DENND4B: variants seen among roughly 807,000 people sequenced by gnomAD.
DENND4B encodes DENN domain containing 4B, also known as DENN domain-containing protein 4B.
Under a neutral mutation model 161.0 loss-of-function variants are expected in DENND4B, and 67 were observed. The observed-to-expected ratio is 0.42, with a 90% CI of 0.34 to 0.51. DENND4B has a LOEUF of 0.51. Ranked by LOEUF, DENND4B falls within the 20% of genes least tolerant of loss-of-function variation. The probability of loss-of-function intolerance (pLI) is 0.08; values close to 1 mark genes in which losing one functional copy is unlikely to be tolerated. For synonymous variants in DENND4B, 753 were observed against 813.8 expected (o/e 0.93, Z 1.27); for missense variants, 1,481 against 1,968.0 (o/e 0.75, Z 4.68).
chr1:153,930,398 T>C lies in DENND4B; in HGVS notation c.4390A>G (p.Ser1464Gly). Reference protein sequence around the residue: ...KYKSAFNKLASSMGKEELRHR... With the variant: ...KYKSAFNKLAGSMGKEELRHR... ...CTCAGCTCCTCCTTGCCCATGCTGC[T>C]GGCCAGCTTGTTAAAGGCAGACTTG... The change falls in exon 28 of 28, where the codon AGC (serine) becomes GGC (glycine). Residue 1464 changes from serine (S) to glycine (G), a missense_variant. Transcript: ENST00000361217. This position sits in a 1 kb window ranked among gnomAD's most constrained non-coding sequence, Gnocchi z 4.7. 6.2e-7 allele frequency: 1 copy of C among 1,614,030 alleles called. No homozygotes were observed. Among genetic ancestry groups the C allele is most frequent in the Non-Finnish European group, 8.5e-7 (1 of 1,179,878 alleles).
chr1:153,945,154 C>G (rs931401908), intron 1 of DENND4B: 17 of 1,289,420 alleles, frequency 1.3e-5, no homozygotes, highest in African/African-American at 1.5e-5. Context: ...TGGCCCAACC[C>G]CGGGGAGTAG....
In DENND4B at chr1:153,932,451, C is replaced by T; in HGVS notation, c.3760-11G>A. ...CCGCCGGGAGGCTCCCTATCAGGCA[C>T]AAAGGGGGAGGGCAGTAGAGGGCAT... On this transcript the variant is annotated splice_polypyrimidine_tract_variant and intron_variant, in intron 23 of 27. Transcript: ENST00000361217. The surrounding 1 kb of genome is among the most constrained non-coding windows in gnomAD (Gnocchi z 5.8). 1 of 1,598,204 alleles carries T rather than the reference C, an allele frequency of 6.3e-7. No homozygotes were observed. Among genetic ancestry groups the T allele is most frequent in the South Asian group, 1.1e-5 (1 of 88,982 alleles).
rs1375822750 is a variant in DENND4B at position 153,932,104 on chromosome 1, G to T, written c.3996+100C>A. ...TTACAGGCATGAGCCACCGTGCCTG[G>T]CCAGTCTATGCTCTTTCTACAGTGC... On this transcript the variant is annotated intron_variant, in intron 24 of 27. Transcript: ENST00000361217. This position sits in a 1 kb window ranked among gnomAD's most constrained non-coding sequence, Gnocchi z 5.8. 1.9e-5 allele frequency: 22 copies of T among 1,165,072 alleles called. No homozygotes were observed. Among genetic ancestry groups the T allele is most frequent in the Middle Eastern group, 2.0e-4 (1 of 4,994 alleles). The allele number at this position is 1,165,072 out of a possible 1,614,324, so 72.2% of individuals were successfully genotyped here. A position where few individuals can be genotyped will look rare whatever the true frequency, so the allele number is the denominator to read the frequency against.
chr1:153,942,183 C>A lies in DENND4B; in HGVS notation c.810+4G>T. 6 of 1,614,002 alleles carry A rather than the reference C, an allele frequency of 3.7e-6. No individual in the cohort carries two copies. The highest frequency in any genetic ancestry group is 5.1e-6 in the Non-Finnish European group (6 of 1,179,888). On this transcript the variant is annotated splice_donor_region_variant and intron_variant, in intron 5 of 27. Coordinates refer to ENST00000361217, the MANE Select transcript of DENND4B (RefSeq NM_014856.3). The surrounding 1 kb of genome is among the most constrained non-coding windows in gnomAD (Gnocchi z 6.9). Reference sequence around the variant, plus strand: ...GGACCCCTTGCCACACTCCACACACCCACCTTATCACCAGCTGCACCCGTG... The same window carrying A: ...GGACCCCTTGCCACACTCCACACACACACCTTATCACCAGCTGCACCCGTG...
chr1:153,943,067 G>A lies in DENND4B; in HGVS notation c.381C>T (p.Tyr127=), dbSNP rs762270520. 1.7e-5 allele frequency: 27 copies of A among 1,613,912 alleles called. No homozygotes were observed. Among genetic ancestry groups the A allele is most frequent in the Non-Finnish European group, 2.3e-5 (27 of 1,179,900 alleles). The part of the protein sequence containing the change: ...PGFQVLDTTP[Y]SHSANLAPPG... ...GAGGGGCCAGGTTTGCTGAGTGGCTGTAGGGTGTCGTGTCAAGCACTTGGA... is the reference window on the plus strand; with the variant it reads ...GAGGGGCCAGGTTTGCTGAGTGGCTATAGGGTGTCGTGTCAAGCACTTGGA... The change falls in exon 3 of 28, where the codon TAC becomes TAT. Residue 127 remains tyrosine, a synonymous_variant. Transcript: ENST00000361217.
At chr1:153,943,235 A>C in intron 2 of DENND4B, 105 bp from the exon 3 acceptor site, 1 of 1,474,040 alleles carries the variant, frequency 6.8e-7, no homozygotes, top group Non-Finnish European at 9.2e-7. Context: ...CCTTGTACCC[A>C]CAGCCTTGTC....
rs755914043 is a variant in DENND4B, at chr1:153,930,634, A to G, written c.4281-31T>C. ...GTGGAGGCAGAAGTGTATGAGTGAG[A>G]GAAAAGGGGTGTGGAGCCCCGGACA... On this transcript the variant is annotated intron_variant, in intron 26 of 27. Coordinates refer to ENST00000361217, the MANE Select transcript of DENND4B (RefSeq NM_014856.3). The surrounding 1 kb of genome is among the most constrained non-coding windows in gnomAD (Gnocchi z 4.7). 6.2e-7 allele frequency: 1 copy of G among 1,613,864 alleles called. No homozygotes were observed. Among genetic ancestry groups the G allele is most frequent in the Non-Finnish European group, 8.5e-7 (1 of 1,179,820 alleles).
intron 12 of DENND4B, 130 bp downstream of exon 12, chr1:153,939,459 T>C: frequency 9.4e-7 from 1 of 1,063,420 alleles, no homozygotes. Flanking sequence ...CGGGTGCCCA[T>C]AAAAACATTT....
rs1678875313 is a variant in DENND4B at position 153,930,895 on chromosome 1, C to A, written c.4115-38G>T. Reference sequence around the variant, plus strand: ...AAAGAAGGCCACCAGAATCACTGAGCCCTCTGGGTATGGGACCCACCCTCC... The same window carrying A: ...AAAGAAGGCCACCAGAATCACTGAGACCTCTGGGTATGGGACCCACCCTCC... On this transcript the variant is annotated intron_variant, in intron 25 of 27. Transcript: ENST00000361217. This position sits in a 1 kb window ranked among gnomAD's most constrained non-coding sequence, Gnocchi z 4.7. 1.3e-6 allele frequency: 2 copies of A among 1,595,510 alleles called. No individual in the cohort carries two copies. Among genetic ancestry groups the A allele is most frequent in the Non-Finnish European group, 1.7e-6 (2 of 1,171,770 alleles).
At chr1:153,945,081 C>G in intron 1 of DENND4B, 2 of 1,287,170 alleles carry the variant, frequency 1.6e-6, no homozygotes, top group Admixed American at 2.3e-5. Flanking sequence ...CATCCCACAC[C>G]CTCCACCATG....
rs763700729 is a variant in DENND4B, at chr1:153,934,803, CTGCTGCTGCTGCTGCTGCTGCTGCTGT to C, written c.2703_2729del (p.Gln902_Gln910del). ...CCTCTTGATGTGCTGACACCTGCTC[CTGCTGCTGCTGCTGCTGCTGCTGCTGT>C]TGCTGCTGCTGCTGCTGTTGCCGTT... is the stretch of plus-strand genomic sequence containing the variant. On this transcript the variant is annotated inframe_deletion, in exon 18 of 28. Transcript: ENST00000361217. This position sits in a 1 kb window ranked among gnomAD's most constrained non-coding sequence, Gnocchi z 5.3. The C allele has an allele frequency of 3.4e-3, 2,260 of 655,852 alleles. 2 individuals carry two copies. Among genetic ancestry groups the C allele is most frequent in the Non-Finnish European group, 4.3e-3 (2,107 of 491,736 alleles). 40.6% of individuals were successfully genotyped at this position (655,852 alleles called of 1,614,324 possible). A position where few individuals can be genotyped will look rare whatever the true frequency, so the allele number is the denominator to read the frequency against.
Position 153,942,526 on chromosome 1 carries a change from C to T in DENND4B, c.640+30G>A, listed in dbSNP as rs1277176071. ...ACCAGGGCAAAGGGATGTAGGGTCACAGGATTGGAGGGATAAAGGGGCCAC... is the reference window on the plus strand; with the variant it reads ...ACCAGGGCAAAGGGATGTAGGGTCATAGGATTGGAGGGATAAAGGGGCCAC... On this transcript the variant is annotated intron_variant, in intron 4 of 27. Transcript: ENST00000361217. The surrounding 1 kb of genome is among the most constrained non-coding windows in gnomAD (Gnocchi z 6.9). 5.0e-6 allele frequency: 8 copies of T among 1,585,290 alleles called. No homozygotes were observed. The highest frequency in any genetic ancestry group is 6.9e-6 in the Non-Finnish European group (8 of 1,165,490).
Position 153,938,970 on chromosome 1 carries a change from A to C in DENND4B, c.1895T>G (p.Phe632Cys). ...AGAGCCAAAAGAGCACTCCTCAATG[A>C]ACTGTGAGAACATCTGTGTGTGCAG... is the stretch of plus-strand genomic sequence containing the variant. Reference protein sequence around the residue: ...QLLHTQMFSQFIEECSFGSAR... With the variant: ...QLLHTQMFSQCIEECSFGSAR... The change falls in exon 13 of 28, where the codon TTC (phenylalanine) becomes TGC (cysteine). Residue 632 changes from phenylalanine to cysteine, a missense_variant. Phe to Cys is a radical substitution (Grantham distance 205). Coordinates refer to ENST00000361217, the MANE Select transcript of DENND4B (RefSeq NM_014856.3). The C allele has an allele frequency of 6.2e-7, 1 of 1,611,222 alleles. No individual in the cohort carries two copies. Among genetic ancestry groups the C allele is most frequent in the East Asian group, 2.2e-5 (1 of 44,868 alleles).
rs751851766 is a variant in DENND4B at position 153,939,694 on chromosome 1, G to A, written c.1714C>T (p.Arg572Cys). The change falls in exon 12 of 28, where the codon CGC becomes TGC. Residue 572 changes from arginine (R) to cysteine (C), a missense_variant. This residue lies in a region of DENND4B where 806 missense variants were observed against 1,134.4 expected (regional missense o/e 0.71). Coordinates refer to ENST00000361217, the MANE Select transcript of DENND4B (RefSeq NM_014856.3). ...CCCTTGAGCAGACAGGCCATGAAGC[G>A]GAGGAAGGCTCCTTGGACTTCGCGC... ...LEREVQGAFL[R>C]FMACLLKGYR... The A allele has an allele frequency of 6.2e-7, 1 of 1,613,964 alleles. No homozygotes were observed. The highest frequency in any genetic ancestry group is 8.5e-7 in the Non-Finnish European group (1 of 1,179,896).
chr1:153,941,122 C>A, intron 8 of DENND4B, 74 bp from the exon 9 acceptor site: 1 of 1,565,494 alleles, frequency 6.4e-7, no homozygotes. Context: ...CCAGGCACAG[C>A]CACCACCTGG....
In DENND4B at chr1:153,932,308, G is replaced by C; in HGVS notation, c.3892C>G (p.Pro1298Ala). The change falls in exon 24 of 28, where the codon CCC (proline) becomes GCC (alanine). Residue 1298 changes from proline to alanine, a missense_variant. Coordinates refer to ENST00000361217, the MANE Select transcript of DENND4B (RefSeq NM_014856.3). This position sits in a 1 kb window ranked among gnomAD's most constrained non-coding sequence, Gnocchi z 5.8. ...LALPELPSAHPIIFWNLLWYF... is the reference protein window; with the variant it reads ...LALPELPSAHAIIFWNLLWYF... ...CACAAAAGGTTCCAGAAGATGATGG[G>C]GTGGGCAGAGGGCAGTTCAGGCAAC... The C allele has an allele frequency of 6.2e-7, 1 of 1,613,984 alleles. No homozygotes were observed. Among genetic ancestry groups the C allele is most frequent in the Non-Finnish European group, 8.5e-7 (1 of 1,179,884 alleles).
chr1:153,943,197 G>C, intron 2 of DENND4B, 67 bp from the exon 3 acceptor site: 2 of 1,547,550 alleles, frequency 1.3e-6, no homozygotes, highest in African/African-American at 2.7e-5. Context: ...AATCCTGCCA[G>C]ATCTGCCTAT....
At chr1:153,943,276 G>C in intron 2 of DENND4B, 146 bp from the exon 3 acceptor site, 1 of 1,173,526 alleles carries the variant, frequency 8.5e-7, no homozygotes, top group Non-Finnish European at 1.2e-6. Context: ...ACCTCTTCTT[G>C]CTGAACTCTG....
Position 153,940,205 on chromosome 1 carries a change from G to A in DENND4B, c.1554C>T (p.Tyr518=), listed in dbSNP as rs1203385686. The change falls in exon 11 of 28, where the codon TAC becomes TAT. Residue 518 remains tyrosine (Y), a synonymous_variant. Coordinates refer to ENST00000361217, the MANE Select transcript of DENND4B (RefSeq NM_014856.3). The surrounding 1 kb of genome is among the most constrained non-coding windows in gnomAD (Gnocchi z 5.6). ...LSPRTLPRRP[Y]KVLLATLTNL... is the part of the protein sequence containing the mutation. The stretch of plus-strand genomic sequence containing the variant: ...TTGTCAGTGTGGCCAGCAGAACCTT[G>A]TAGGGTCTGCGGGGCAGGGTCCGAG... 6.2e-7 allele frequency: 1 copy of A among 1,602,364 alleles called. No individual in the cohort carries two copies. Among genetic ancestry groups the A allele is most frequent in the Non-Finnish European group, 8.5e-7 (1 of 1,175,248 alleles).
Sources: gnomAD v4.1 joint callset for allele counts on GRCh38, gnomAD v4.1.1 for gene constraint, gnomAD v4.1.1 regional missense constraint, Gnocchi (gnomAD v3.1) non-coding constraint, MANE v1.5 for transcripts, NCBI Gene and HGNC (gene_info 2026-07-23, HGNC 2026-07-21) for gene names.